SLC39A11: variants seen among roughly 807,000 people sequenced by gnomAD.
SLC39A11 encodes solute carrier family 39 member 11, also known as zinc transporter ZIP11.
A neutral mutation model predicts 36.1 loss-of-function variants in SLC39A11; 33 were observed. The observed-to-expected ratio is 0.91, with a 90% CI of 0.69 to 1.22. The LOEUF is 1.22. Among genes scored for constraint, SLC39A11 ranks in the 50% most tolerant of loss-of-function variants. The pLI, the probability that SLC39A11 is intolerant of heterozygous loss-of-function variation, is 0.00. For synonymous variants in SLC39A11, 166 were observed against 170.3 expected (o/e 0.97, Z 0.20); for missense variants, 432 against 430.3 (o/e 1.00, Z -0.03).
At chr17:72,904,275 T>TA (rs1460774866) in intron 5 of SLC39A11, among the ~76,000 whole-genome samples, 3 of 151,906 alleles carry the variant, frequency 2.0e-5, no homozygotes, top group African/African-American at 4.8e-5. Context: ...ACTCTATCTC[T>TA]AAAAAAACAA....
intron 6 of SLC39A11, among the ~76,000 whole-genome samples, chr17:72,759,907 G>A (rs551580162): frequency 6.6e-6 from 1 of 152,298 alleles, no homozygotes; most frequent in African/African-American, 2.4e-5. Flanking sequence ...TTAGTTACCT[G>A]TGCGGGGCCC....
chr17:72,784,803 A>G (rs1182002623), intron 6 of SLC39A11, among the ~76,000 whole-genome samples: 1 of 151,362 alleles, frequency 6.6e-6, no homozygotes, highest in African/African-American at 2.4e-5. Context: ...TATCAGCACC[A>G]TGCTTCCTGT....
chr17:73,032,133 G>A (rs1406134672), intron 3 of SLC39A11, among the ~76,000 whole-genome samples: 2 of 152,190 alleles, frequency 1.3e-5, no homozygotes, highest in East Asian at 1.9e-4. Context: ...AACCTACAAT[G>A]CACAGCACAC....
chr17:72,845,048 C>A (rs111298089), intron 6 of SLC39A11, among the ~76,000 whole-genome samples: 6 of 152,166 alleles, frequency 3.9e-5, no homozygotes, highest in African/African-American at 1.4e-4. Context: ...ACATCCAGCA[C>A]GACCACCTTG....
At chr17:73,077,002 G>A (rs972057722) in intron 3 of SLC39A11, among the ~76,000 whole-genome samples, 2 of 151,876 alleles carry the variant, frequency 1.3e-5, no homozygotes, top group Non-Finnish European at 2.9e-5. Flanking sequence ...AGATACCCAC[G>A]TGGCAAATGT....
At chr17:73,013,140 T>C (rs773004990) in intron 4 of SLC39A11, among the ~76,000 whole-genome samples, 8 of 152,044 alleles carry the variant, frequency 5.3e-5, no homozygotes, top group Non-Finnish European at 7.4e-5. Flanking sequence ...TCATCCAGGC[T>C]GGAGTGCAGT....
At position 73,049,881 on chromosome 17, in the gene SLC39A11, AGCAG is replaced by A. The variant is rs2059436184; in HGVS notation, c.148-18171_148-18168del. Among the ~76,000 whole-genome samples, 3 of 152,314 alleles carry A rather than the reference AGCAG, an allele frequency of 2.0e-5. 1 individual carries two copies. In the South Asian group the frequency reaches 6.2e-4, roughly 32 times the overall value. ...CTCACGCCTATAATCCCAGCACTTC[AGCAG>A]GCTGAGGCAGGCAGATCACTTGAGT... On this transcript the variant is annotated intron_variant, in intron 3 of 9. Coordinates refer to ENST00000255559, the MANE Select transcript of SLC39A11 (RefSeq NM_139177.4).
intron 7 of SLC39A11, among the ~76,000 whole-genome samples, chr17:72,731,643 C>T (rs962876947): frequency 2.0e-5 from 3 of 152,128 alleles, no homozygotes; most frequent in African/African-American, 7.2e-5. Flanking sequence ...TCAGTTTCCC[C>T]TATCGCTAGC....
intron 5 of SLC39A11, among the ~76,000 whole-genome samples, chr17:72,896,156 C>T (rs138648301): frequency 4.1e-5 from 6 of 145,028 alleles, no homozygotes; most frequent in Non-Finnish European, 7.5e-5. Context: ...AATCTAAAAC[C>T]AAAAAGAGAA....
At chr17:73,023,329 T>C (rs1237747740) in intron 4 of SLC39A11, among the ~76,000 whole-genome samples, 2 of 152,124 alleles carry the variant, frequency 1.3e-5, no homozygotes, top group Admixed American at 6.5e-5. Flanking sequence ...TATTTAGAGA[T>C]AGGGCCAGTA....
intron 7 of SLC39A11, among the ~76,000 whole-genome samples, chr17:72,665,141 A>G (rs932189578): frequency 6.6e-6 from 1 of 152,122 alleles, no homozygotes; most frequent in African/African-American, 2.4e-5. Context: ...TCAAGCAGCC[A>G]TGTGGAGGTG....
At chr17:73,049,580 G>A (rs1331462655) in intron 3 of SLC39A11, among the ~76,000 whole-genome samples, 1 of 152,192 alleles carries the variant, frequency 6.6e-6, no homozygotes, top group Non-Finnish European at 1.5e-5. Flanking sequence ...AGGAACCAAG[G>A]AAAACTTCGG....
chr17:72,668,738 G>A (rs962410912), intron 7 of SLC39A11, among the ~76,000 whole-genome samples: 1 of 152,176 alleles, frequency 6.6e-6, no homozygotes, highest in Non-Finnish European at 1.5e-5. Context: ...GCCACTCACA[G>A]ACACACAGTG....
intron 3 of SLC39A11, among the ~76,000 whole-genome samples, chr17:73,062,166 A>C (rs1175514077): frequency 6.6e-6 from 1 of 152,014 alleles, no homozygotes; most frequent in African/African-American, 2.4e-5. Flanking sequence ...AGACAATCAA[A>C]ACTTCAGATG....
chr17:72,647,707 T>A (rs774581568), intron 9 of SLC39A11, 45 bp from the exon 10 acceptor site: 1 of 1,536,036 alleles, frequency 6.5e-7, no homozygotes, highest in East Asian at 2.3e-5. Flanking sequence ...TAATGATCCC[T>A]GAGGCCACGG....
chr17:72,763,542 T>C (rs893552136), intron 6 of SLC39A11, among the ~76,000 whole-genome samples: 8 of 152,258 alleles, frequency 5.3e-5, no homozygotes, highest in African/African-American at 1.7e-4. Flanking sequence ...GTATTTTGTA[T>C]TTTAGGAAAT....
At chr17:72,922,070 A>G (rs1227048493) in intron 5 of SLC39A11, among the ~76,000 whole-genome samples, 1 of 152,188 alleles carries the variant, frequency 6.6e-6, no homozygotes, top group Non-Finnish European at 1.5e-5. Flanking sequence ...AAGCCTCCAC[A>G]CCAGCACACC....
chr17:72,863,519 C>T (rs537984872), intron 5 of SLC39A11, among the ~76,000 whole-genome samples: 2 of 152,268 alleles, frequency 1.3e-5, no homozygotes, highest in South Asian at 4.1e-4. Context: ...AGCAGGAACC[C>T]AATATCCCAC....
intron 4 of SLC39A11, among the ~76,000 whole-genome samples, chr17:72,950,088 A>C (rs2085758954): frequency 6.6e-6 from 1 of 151,998 alleles, no homozygotes. Flanking sequence ...CTTCCAACCA[A>C]ATGTTGAAAA....
Sources: allele counts gnomAD v4.1 joint callset (sites outside exome capture counted in the v4.1 genomes callset), GRCh38; gene constraint gnomAD v4.1.1; transcripts MANE v1.5; gene names NCBI Gene and HGNC (gene_info 2026-07-23, HGNC 2026-07-21).